Variants in STT3B observed in about 807,000 individuals in gnomAD.
STT3B encodes STT3 oligosaccharyltransferase complex catalytic subunit B, also known as dolichyl-diphosphooligosaccharide--protein glycosyltransferase subunit STT3B.
In STT3B, 29 loss-of-function variants were observed where a neutral mutation model predicts 96.8. The ratio of observed to expected loss-of-function variants is 0.30; its 90% confidence interval spans 0.22 to 0.41. The LOEUF (loss-of-function observed/expected upper bound fraction) is 0.41. Ranked by LOEUF, STT3B falls within the 10% of genes least tolerant of loss-of-function variation. The pLI is 1.00. For synonymous variants in STT3B, 367 were observed against 360.0 expected, an observed-to-expected ratio of 1.02 and a Z score of -0.22; for missense variants, 640 against 1,022.3, an observed-to-expected ratio of 0.63 and a Z score of 5.10.
chr3:31,550,139 T>C (rs1380501022), intron 1 of STT3B, among the ~76,000 whole-genome samples: 3 of 152,202 alleles, frequency 2.0e-5, no homozygotes, highest in Non-Finnish European at 2.9e-5. Flanking sequence ...CTGATAAAAA[T>C]TGACAGCTGT....
chr3:31,584,914 C>T (rs1387687743), intron 3 of STT3B, among the ~76,000 whole-genome samples: 2 of 151,906 alleles, frequency 1.3e-5, no homozygotes. Context: ...TTCATTATTA[C>T]TAATTGAAAG....
intron 9 of STT3B, 65 bp downstream of exon 9, chr3:31,619,895 C>T: frequency 1.3e-6 from 2 of 1,543,914 alleles, no homozygotes; most frequent in Middle Eastern, 1.8e-4. Context: ...AGATTATTTA[C>T]TTTAAATTTT....
intron 3 of STT3B, among the ~76,000 whole-genome samples, chr3:31,586,022 G>A (rs1698527985): frequency 6.6e-6 from 1 of 152,060 alleles, no homozygotes; most frequent in Admixed American, 6.6e-5. Flanking sequence ...TTTATAAAAA[G>A]CTGCCAAGCA....
intron 5 of STT3B, among the ~76,000 whole-genome samples, chr3:31,604,372 C>G (rs974614912): frequency 1.3e-5 from 2 of 151,930 alleles, no homozygotes; most frequent in Non-Finnish European, 2.9e-5. Flanking sequence ...CAGCTGTAAA[C>G]AGAACACAGC....
In STT3B at chr3:31,546,845, G is replaced by C. The variant is rs565889034; in HGVS notation, c.314+13533G>C. 5.9e-5 allele frequency among the ~76,000 whole-genome samples: 9 copies of C among 152,242 alleles called. No homozygotes were observed. In the South Asian group the frequency reaches 1.9e-3, roughly 32 times the overall value. On this transcript the variant is annotated intron_variant, in intron 1 of 15. Transcript: ENST00000295770. Reference sequence around the variant, plus strand: ...ATTGGTCCTTAAAGCAATCCTATTAGATATTTTATTGCCCCCATTTTACAG... The same window carrying C: ...ATTGGTCCTTAAAGCAATCCTATTACATATTTTATTGCCCCCATTTTACAG...
intron 1 of STT3B, among the ~76,000 whole-genome samples, chr3:31,543,437 C>T (rs1051862008): frequency 1.3e-5 from 2 of 152,158 alleles, no homozygotes; most frequent in Non-Finnish European, 2.9e-5. Context: ...TCTAATCTTT[C>T]TAGAATATCC....
At chr3:31,604,925 T>C (rs1335901707) in intron 5 of STT3B, among the ~76,000 whole-genome samples, 1 of 152,198 alleles carries the variant, frequency 6.6e-6, no homozygotes, top group Non-Finnish European at 1.5e-5. Context: ...TAATGTCCTT[T>C]GATGTCCTTA....
In STT3B at chr3:31,636,998, T is replaced by G. The variant is rs1699764378; in HGVS notation, c.*934T>G. 1 of 152,228 alleles carries G rather than the reference T, an allele frequency of 6.6e-6. No individual in the cohort carries two copies. The allele number at this position is 152,228 out of a possible 1,614,324, so 9.4% of individuals were successfully genotyped here. ...AACTTTGCCTGGACTTTTTTCATTT[T>G]ACAACAGTTCATCCATTCACAATGA... On this transcript the variant is annotated 3_prime_UTR_variant, in exon 16 of 16. Transcript: ENST00000295770.
Position 31,633,904 on chromosome 3 carries a change from T to A in STT3B, c.2400+757T>A, listed in dbSNP as rs184346429. On this transcript the variant is annotated intron_variant, in intron 15 of 15. Transcript: ENST00000295770. ...ATTATTAGACTGACTTTGAATCTCA[T>A]TTTTTAAGGATGCTTAGGTTTACAT... is the stretch of plus-strand genomic sequence containing the variant. Among the ~76,000 whole-genome samples the A allele has an allele frequency of 1.8e-3, 274 of 152,270 alleles. 6 individuals carry two copies. The highest frequency in any genetic ancestry group is 0.016 in the Admixed American group (239 of 15,300).
rs535163298 is a variant in STT3B at position 31,568,613 on chromosome 3, A to G, written c.315-7783A>G. On this transcript the variant is annotated intron_variant, in intron 1 of 15. Coordinates refer to ENST00000295770, the MANE Select transcript of STT3B (RefSeq NM_178862.3). ...ATTTGCATTTTTCTGATGACTAATG[A>G]TGTTGAACATCTTTTCATATACCTG... Among the ~76,000 whole-genome samples the G allele has an allele frequency of 7.9e-5, 12 of 152,356 alleles. No individual in the cohort carries two copies. In the South Asian group the frequency reaches 2.3e-3, roughly 29 times the overall value.
intron 1 of STT3B, among the ~76,000 whole-genome samples, chr3:31,559,675 C>G (rs1349117778): frequency 6.6e-6 from 1 of 152,024 alleles, no homozygotes; most frequent in African/African-American, 2.4e-5. Flanking sequence ...TATTCTGTAG[C>G]TGTTGAATGA....
chr3:31,545,036 T>G (rs960159673), intron 1 of STT3B, among the ~76,000 whole-genome samples: 1 of 152,192 alleles, frequency 6.6e-6, no homozygotes, highest in African/African-American at 2.4e-5. Flanking sequence ...ATTTTTACTC[T>G]AGACCATCGC....
At chr3:31,543,083 A>G (rs904212780) in intron 1 of STT3B, among the ~76,000 whole-genome samples, 3 of 151,462 alleles carry the variant, frequency 2.0e-5, no homozygotes, top group African/African-American at 4.8e-5. Flanking sequence ...AAAAAAAAAA[A>G]AGAGAAAGAA....
At chr3:31,572,015 CAT>C (rs1318135289) in intron 1 of STT3B, among the ~76,000 whole-genome samples, 2 of 131,934 alleles carry the variant, frequency 1.5e-5, no homozygotes, top group South Asian at 2.2e-4. Context: ...TTTTATTAAA[CAT>C]ATTAATATAT....
chr3:31,631,945 T>C (rs1699672042), intron 14 of STT3B, among the ~76,000 whole-genome samples: 1 of 152,064 alleles, frequency 6.6e-6, no homozygotes, highest in Non-Finnish European at 1.5e-5. Flanking sequence ...AGTGTTGACC[T>C]CCTGGGCTCA....
In STT3B at chr3:31,619,800, A is replaced by C. The variant is rs372395537; in HGVS notation, c.1297A>C (p.Ile433Leu). ...CTFPAGLWFC[I>L]KNINDERVFV... The stretch of plus-strand genomic sequence containing the variant: ...CTTCCCAGCAGGCCTTTGGTTCTGC[A>C]TCAAAAATATCAACGATGAAAGAGT... Residue 433 changes from isoleucine to leucine, a missense_variant, in exon 9 of 16, where the codon ATC (isoleucine) becomes CTC (leucine). Ile to Leu is a conservative substitution (Grantham distance 5). Coordinates refer to ENST00000295770, the MANE Select transcript of STT3B (RefSeq NM_178862.3). The C allele has an allele frequency of 5.6e-6, 9 of 1,612,190 alleles. No individual in the cohort carries two copies. Among genetic ancestry groups the C allele is most frequent in the African/African-American group, 2.7e-5 (2 of 74,858 alleles).
At chr3:31,627,392 T>C (rs1181522227) in intron 13 of STT3B, among the ~76,000 whole-genome samples, 2 of 152,192 alleles carry the variant, frequency 1.3e-5, no homozygotes, top group African/African-American at 4.8e-5. Context: ...CCCTCCGCCA[T>C]CCGTGGAAAA....
chr3:31,601,069 T>G lies in STT3B; in HGVS notation c.877+610T>G, dbSNP rs921103417. ...GTAAAATAATACAATTCTATTATAA[T>G]AATGTTTTTGGAAAACAATAACACA... On this transcript the variant is annotated intron_variant, in intron 5 of 15. Transcript: ENST00000295770. Among the ~76,000 whole-genome samples, 4 of 152,288 alleles carry G rather than the reference T, an allele frequency of 2.6e-5. 1 individual carries two copies. The highest frequency in any genetic ancestry group is 1.9e-4 in the East Asian group (1 of 5,186).
intron 3 of STT3B, among the ~76,000 whole-genome samples, chr3:31,590,067 T>A (rs1698632613): frequency 6.6e-6 from 1 of 151,978 alleles, no homozygotes; most frequent in Admixed American, 6.6e-5. Flanking sequence ...AGTAATTTGG[T>A]AATATGTATC....
Sources: gnomAD v4.1 joint callset for allele counts (sites outside exome capture counted in the v4.1 genomes callset) on GRCh38, gnomAD v4.1.1 for gene constraint, MANE v1.5 for transcripts, NCBI Gene and HGNC (gene_info 2026-07-23, HGNC 2026-07-21) for gene names.